NCKAP5: variants seen among roughly 807,000 people sequenced by gnomAD.
NCKAP5 encodes the protein NCK associated protein 5.
NCKAP5 carries 92 observed loss-of-function variants against 167.0 expected under a neutral mutation model. The ratio of observed to expected loss-of-function variants is 0.55; its 90% CI spans 0.47 to 0.66. The LOEUF (loss-of-function observed/expected upper bound fraction) is 0.66. NCKAP5 is among the 30% of genes least tolerant of loss of function. The pLI, the probability that NCKAP5 is intolerant of heterozygous loss-of-function variation, is 0.00. For missense variants in NCKAP5, 2,378 were observed against 2,315.0 expected (o/e 1.03, Z -0.56); for synonymous variants, 891 against 877.4 (o/e 1.02, Z -0.27).
chr2:132,876,286 C>T (rs1691268194), intron 9 of NCKAP5, among the ~76,000 whole-genome samples: 1 of 152,016 alleles, frequency 6.6e-6, no homozygotes, highest in Admixed American at 6.6e-5. Context: ...TTTGTAGAGA[C>T]AGAGTCTCCC....
intron 2 of NCKAP5, among the ~76,000 whole-genome samples, chr2:133,539,302 G>T (rs1478103581): frequency 6.6e-6 from 1 of 152,096 alleles, no homozygotes; most frequent in African/African-American, 2.4e-5. Context: ...TCTAGTTGGG[G>T]TGTCTGGTAA....
chr2:133,614,324 G>T, the NCKAP5 span, among the ~76,000 whole-genome samples: 1 of 152,000 alleles, frequency 6.6e-6, no homozygotes, highest in Admixed American at 6.5e-5. Flanking sequence ...GCTGAGAGAA[G>T]AAGGCTTCAG....
At chr2:133,225,480 G>C (rs1409623325) in intron 4 of NCKAP5, among the ~76,000 whole-genome samples, 1 of 152,190 alleles carries the variant, frequency 6.6e-6, no homozygotes, top group Non-Finnish European at 1.5e-5. Flanking sequence ...GTTCCAAAGG[G>C]AAGAGTTGAA....
chr2:133,466,354 G>T (rs1692590094), intron 3 of NCKAP5, among the ~76,000 whole-genome samples: 1 of 150,134 alleles, frequency 6.7e-6, no homozygotes, highest in African/African-American at 2.5e-5. Context: ...GCTCTGTTCT[G>T]TTCCATTGAT....
At chr2:132,787,114 C>A (rs546963228) in intron 13 of NCKAP5, among the ~76,000 whole-genome samples, 1 of 152,188 alleles carries the variant, frequency 6.6e-6, no homozygotes, top group Non-Finnish European at 1.5e-5. Flanking sequence ...CTTTGGGAGA[C>A]CAAGGCAGGT....
intron 7 of NCKAP5, among the ~76,000 whole-genome samples, chr2:132,990,178 TA>T (rs2077410122): frequency 6.6e-6 from 1 of 152,156 alleles, no homozygotes; most frequent in South Asian, 2.1e-4. Context: ...TTATTAAAAA[TA>T]AGCCTGAGTT....
intron 8 of NCKAP5, among the ~76,000 whole-genome samples, chr2:132,911,754 C>T (rs1283382159): frequency 1.3e-5 from 2 of 152,154 alleles, no homozygotes; most frequent in Admixed American, 6.5e-5. Flanking sequence ...GGTTCCCATC[C>T]TAAAGAGGTA....
chr2:133,297,166 A>AGT (rs60321858), intron 4 of NCKAP5, among the ~76,000 whole-genome samples: 34,694 of 141,782 alleles, frequency 0.24, 4,097 homozygotes, highest in Non-Finnish European at 0.28. Context: ...AGGTTGTCAC[A>AGT]GTGTGTGTGT....
intron 3 of NCKAP5, among the ~76,000 whole-genome samples, chr2:133,470,129 C>T (rs1205503575): frequency 7.9e-5 from 12 of 152,132 alleles, no homozygotes; most frequent in Non-Finnish European, 1.6e-4. Flanking sequence ...GCTTTTTCCC[C>T]ATCTTTGTGG....
chr2:133,572,793 G>C (rs1481305219), upstream of NCKAP5, among the ~76,000 whole-genome samples: 1 of 152,182 alleles, frequency 6.6e-6, no homozygotes, highest in East Asian at 1.9e-4. Context: ...AACTGGCATG[G>C]TGTTGAGAGT....
At chr2:133,630,225 G>A in the NCKAP5 span, among the ~76,000 whole-genome samples, 1 of 151,994 alleles carries the variant, frequency 6.6e-6, no homozygotes, top group Admixed American at 6.6e-5. Context: ...CTATATGAAT[G>A]GAAATTCATA....
chr2:133,109,609 T>G (rs2081840754), intron 6 of NCKAP5, among the ~76,000 whole-genome samples: 1 of 152,188 alleles, frequency 6.6e-6, no homozygotes, highest in Non-Finnish European at 1.5e-5. Flanking sequence ...TAAGCATTAC[T>G]TGTGTGATAC....
At chr2:132,893,677 T>C (rs551240789) in intron 8 of NCKAP5, among the ~76,000 whole-genome samples, 18 of 152,244 alleles carry the variant, frequency 1.2e-4, no homozygotes, top group Middle Eastern at 3.4e-3. Flanking sequence ...AGCAAATTAT[T>C]ATTACAGAAG....
At chr2:132,785,803 T>C (rs1683519082) in intron 13 of NCKAP5, 85 bp from the exon 14 acceptor site, 1 of 1,116,554 alleles carries the variant, frequency 9.0e-7, no homozygotes, top group Non-Finnish European at 1.2e-6. Context: ...TGGGACTTAA[T>C]TTGTGCTAGT....
the NCKAP5 span, among the ~76,000 whole-genome samples, chr2:133,584,964 A>AGGAT: frequency 6.7e-6 from 1 of 149,244 alleles, no homozygotes; most frequent in Admixed American, 6.7e-5. Flanking sequence ...GAAGGAAGGA[A>AGGAT]GGAAGGAAGG....
chr2:133,388,264 A>G (rs1687141388), intron 3 of NCKAP5, among the ~76,000 whole-genome samples: 1 of 152,212 alleles, frequency 6.6e-6, no homozygotes, highest in Non-Finnish European at 1.5e-5. Context: ...TTTAACAGTC[A>G]GGACCCTCAG....
chr2:133,065,495 C>T (rs531888683), intron 6 of NCKAP5, among the ~76,000 whole-genome samples: 22 of 152,096 alleles, frequency 1.4e-4, no homozygotes, highest in African/African-American at 3.6e-4. Context: ...CATGGTGGCG[C>T]GTGCCTGTAG....
chr2:133,109,762 G>T lies in NCKAP5; in HGVS notation c.341+20216C>A, dbSNP rs962476388. Among the ~76,000 whole-genome samples the T allele has an allele frequency of 4.2e-5, 6 of 142,450 alleles. No individual in the cohort carries two copies. In the East Asian group the frequency reaches 1.2e-3, roughly 28 times the overall value. The allele number at this position is 142,450 out of a possible 152,430, so 93.5% of individuals were successfully genotyped here. On this transcript the variant is annotated intron_variant, in intron 6 of 19. Coordinates refer to ENST00000409261, the MANE Select transcript of NCKAP5 (RefSeq NM_207363.3). ...TTTCCCAATGGGATCAAGTTTTTCT[G>T]AAAAAAAAAAAACTTACGTAAAACC... is the stretch of plus-strand genomic sequence containing the variant.
intron 6 of NCKAP5, among the ~76,000 whole-genome samples, chr2:133,049,334 A>G (rs997144612): frequency 3.3e-5 from 5 of 152,130 alleles, no homozygotes; most frequent in African/African-American, 1.2e-4. Flanking sequence ...TCCCGAGGTC[A>G]GGAGATTGAG....
Sources: allele counts gnomAD v4.1 joint callset (sites outside exome capture counted in the v4.1 genomes callset), GRCh38; gene constraint gnomAD v4.1.1; transcripts MANE v1.5; gene names NCBI Gene and HGNC (gene_info 2026-07-23, HGNC 2026-07-21).